The following RAB11FIP4 variants were observed in gnomAD, a reference collection of about 807,000 sequenced individuals.
RAB11FIP4 encodes rab11 family-interacting protein 4.
Under a neutral mutation model 74.3 loss-of-function variants are expected in RAB11FIP4, and 23 were observed. That is an observed-to-expected ratio of 0.31 (90% CI 0.22 to 0.44). The LOEUF is 0.44. Ranked by LOEUF, RAB11FIP4 falls within the 20% of genes least tolerant of loss-of-function variation. The pLI is 1.00. For synonymous variants in RAB11FIP4, 360 were observed against 359.9 expected (o/e 1.00, Z 0.00); for missense variants, 630 against 863.9 (o/e 0.73, Z 3.39).
intron 2 of RAB11FIP4, among the ~76,000 whole-genome samples, chr17:31,433,357 T>C (rs1475698322): frequency 6.6e-6 from 1 of 152,146 alleles, no homozygotes; most frequent in African/African-American, 2.4e-5. Flanking sequence ...GGTGGAACGA[T>C]GCAGGGTGAG....
chr17:31,488,691 C>T (rs2071949556), intron 3 of RAB11FIP4, among the ~76,000 whole-genome samples: 1 of 152,238 alleles, frequency 6.6e-6, no homozygotes, highest in Non-Finnish European at 1.5e-5. Context: ...TGTTTCCTGG[C>T]TTCCCCCGTC....
At chr17:31,450,542 A>G (rs2071516657) in intron 3 of RAB11FIP4, among the ~76,000 whole-genome samples, 1 of 151,684 alleles carries the variant, frequency 6.6e-6, no homozygotes, top group South Asian at 2.1e-4. Context: ...ATGGGGTTTC[A>G]CCATGTTGCC....
intron 3 of RAB11FIP4, among the ~76,000 whole-genome samples, chr17:31,487,753 C>T (rs901618478): frequency 2.0e-5 from 3 of 152,112 alleles, no homozygotes; most frequent in East Asian, 3.9e-4. Flanking sequence ...GCCTACCTGG[C>T]AGGGGCGCGA....
intron 3 of RAB11FIP4, among the ~76,000 whole-genome samples, chr17:31,495,844 C>T (rs12937238): frequency 0.47 from 71,461 of 152,066 alleles, 17,054 homozygotes; most frequent in East Asian, 0.56. Flanking sequence ...GAGTTGTTGA[C>T]TGCCCTTCAC....
rs1352569383 is a variant in RAB11FIP4, at chr17:31,482,951, T to C, written c.337-34700T>C. Among the ~76,000 whole-genome samples, 7 of 151,990 alleles carry C rather than the reference T, an allele frequency of 4.6e-5. No homozygotes were observed. The East Asian group carries it at 1.4e-3, about 30-fold the overall frequency. ...GGCTCACACCCATAATCCCAGCACT[T>C]TGGGAGGCCGAGGCGGGCGGATCAC... On this transcript the variant is annotated intron_variant, in intron 3 of 14. Coordinates refer to ENST00000621161, the MANE Select transcript of RAB11FIP4 (RefSeq NM_032932.6).
intron 3 of RAB11FIP4, among the ~76,000 whole-genome samples, chr17:31,479,822 G>A (rs1490575110): frequency 1.3e-5 from 2 of 152,164 alleles, no homozygotes; most frequent in African/African-American, 4.8e-5. Context: ...TCCATCTGCC[G>A]TTAGCAAGCT....
At position 31,527,847 on chromosome 17, in the gene RAB11FIP4, A is replaced by G; in HGVS notation, c.1280A>G (p.Gln427Arg). The stretch of plus-strand genomic sequence containing the variant: ...TGTCTTTCTCCTTTCGCCAGGGTGC[A>G]GCAGTTGGAGGAAGAAAATACAGAG... ...TEVELLNARVQQLEEENTELR... is the reference protein window; with the variant it reads ...TEVELLNARVRQLEEENTELR... The change falls in exon 11 of 15, where the codon CAG becomes CGG. Residue 427 changes from glutamine to arginine, a missense_variant. Gln to Arg is a conservative substitution (Grantham distance 43). Coordinates refer to ENST00000621161, the MANE Select transcript of RAB11FIP4 (RefSeq NM_032932.6). The G allele has an allele frequency of 6.2e-7, 1 of 1,605,372 alleles. No homozygotes were observed. Among genetic ancestry groups the G allele is most frequent in the Non-Finnish European group, 8.5e-7 (1 of 1,176,196 alleles).
chr17:31,527,751 G>T, intron 10 of RAB11FIP4, 91 bp from the exon 11 acceptor site: 2 of 876,822 alleles, frequency 2.3e-6, no homozygotes, highest in Non-Finnish European at 1.8e-6. Flanking sequence ...CTTTCCTCTG[G>T]GAGGAAGCAG....
chr17:31,505,853 G>A (rs997602514), intron 3 of RAB11FIP4, among the ~76,000 whole-genome samples: 2 of 147,602 alleles, frequency 1.4e-5, no homozygotes, highest in African/African-American at 5.0e-5. Flanking sequence ...TTACAGGCAT[G>A]CACCACCTGG....
chr17:31,438,423 G>A (rs1223620002), intron 3 of RAB11FIP4, among the ~76,000 whole-genome samples: 1 of 151,958 alleles, frequency 6.6e-6, no homozygotes, highest in Non-Finnish European at 1.5e-5. Context: ...CCAGCAAATG[G>A]TGTCAGTAGC....
intron 3 of RAB11FIP4, among the ~76,000 whole-genome samples, chr17:31,489,855 G>A (rs764132792): frequency 6.6e-5 from 10 of 152,118 alleles, no homozygotes; most frequent in Non-Finnish European, 1.2e-4. Context: ...GGACTTAGGC[G>A]AAGGGGGTGG....
chr17:31,522,707 C>A, intron 7 of RAB11FIP4: 4 of 446,570 alleles, frequency 9.0e-6, no homozygotes, highest in Non-Finnish European at 1.6e-5. Context: ...CTTCCTGCCT[C>A]TTGGAGCTGG....
At chr17:31,521,800 C>T in intron 5 of RAB11FIP4, 115 bp from the exon 6 acceptor site, 1 of 1,211,028 alleles carries the variant, frequency 8.3e-7, no homozygotes, top group Non-Finnish European at 1.2e-6. Context: ...CTGCCCCTCC[C>T]CCGTAACAAG....
At chr17:31,492,369 G>A (rs1358754279) in intron 3 of RAB11FIP4, among the ~76,000 whole-genome samples, 1 of 152,226 alleles carries the variant, frequency 6.6e-6, no homozygotes, top group Non-Finnish European at 1.5e-5. Flanking sequence ...GTGTCATGCG[G>A]CATTCGGATG....
intron 3 of RAB11FIP4, among the ~76,000 whole-genome samples, chr17:31,489,162 GTGGCAGCACCC>G (rs926652172): frequency 6.6e-6 from 1 of 152,248 alleles, no homozygotes; most frequent in African/African-American, 2.4e-5. Context: ...AGGTCTTGGA[GTGGCAGCACCC>G]TGGGCTGGTT....
intron 7 of RAB11FIP4, chr17:31,523,299 G>A: frequency 3.4e-6 from 2 of 588,712 alleles, no homozygotes; most frequent in Non-Finnish European, 6.1e-6. Context: ...TGTCTGCCAG[G>A]GGACCCCGGG....
At chr17:31,487,754 A>T (rs1258209725) in intron 3 of RAB11FIP4, among the ~76,000 whole-genome samples, 3 of 152,002 alleles carry the variant, frequency 2.0e-5, no homozygotes, top group Non-Finnish European at 2.9e-5. Context: ...CCTACCTGGC[A>T]GGGGCGCGAG....
At chr17:31,442,364 A>G (rs1025546374) in intron 3 of RAB11FIP4, among the ~76,000 whole-genome samples, 2 of 152,202 alleles carry the variant, frequency 1.3e-5, no homozygotes, top group Non-Finnish European at 2.9e-5. Flanking sequence ...AATCATTCTT[A>G]TAGCTAAGTA....
intron 3 of RAB11FIP4, among the ~76,000 whole-genome samples, chr17:31,505,048 T>TTAC (rs2072291100): frequency 6.6e-6 from 1 of 152,160 alleles, no homozygotes; most frequent in Admixed American, 6.6e-5. Flanking sequence ...AAATACTTAG[T>TTAC]TAAGCCCACA....
Sources: allele counts gnomAD v4.1 joint callset (sites outside exome capture counted in the v4.1 genomes callset), GRCh38; gene constraint gnomAD v4.1.1; transcripts MANE v1.5; gene names NCBI Gene and HGNC (gene_info 2026-07-23, HGNC 2026-07-21).